The following GINS1 variants were observed in gnomAD, a reference collection of about 807,000 sequenced individuals.
GINS1 encodes GINS complex subunit 1, also known as DNA replication complex GINS protein PSF1.
A neutral mutation model predicts 34.9 loss-of-function variants in GINS1; 26 were observed. That is an observed-to-expected ratio of 0.74 (90% confidence interval 0.55 to 1.03). GINS1 has a LOEUF of 1.03. Among genes scored for constraint, GINS1 ranks in the 50% least tolerant of loss-of-function variants. The probability of loss-of-function intolerance (pLI) is 0.00; values close to 1 mark genes in which losing one functional copy is unlikely to be tolerated. For synonymous variants in GINS1, 97 were observed against 84.4 expected (o/e 1.15, Z -0.82); for missense variants, 235 against 237.9 (o/e 0.99, Z 0.08).
At chr20:25,416,743 A>G (rs2090323084) in intron 2 of GINS1, among the ~76,000 whole-genome samples, 1 of 152,244 alleles carries the variant, frequency 6.6e-6, no homozygotes, top group Admixed American at 6.5e-5. Context: ...ACGTAAGACC[A>G]TAACCTCATG....
At chr20:25,408,042 G>T (rs1568794259) in intron 1 of GINS1, 147 bp downstream of exon 1, 2 of 655,662 alleles carry the variant, frequency 3.1e-6, no homozygotes, top group Non-Finnish European at 5.5e-6. Flanking sequence ...AATTCAGGAG[G>T]AAAGAGAAAG....
chr20:25,419,661 A>G, intron 4 of GINS1: 1 of 695,258 alleles, frequency 1.4e-6, no homozygotes. Context: ...ATTTTAGATT[A>G]ATTTTTTTGT....
chr20:25,443,674 G>A (rs947312154), intron 6 of GINS1, among the ~76,000 whole-genome samples: 2 of 151,584 alleles, frequency 1.3e-5, no homozygotes, highest in African/African-American at 2.4e-5. Context: ...TAGAGGCGGC[G>A]TTTCACCATG....
At chr20:25,427,073 T>C (rs1342160055) in intron 5 of GINS1, among the ~76,000 whole-genome samples, 2 of 152,204 alleles carry the variant, frequency 1.3e-5, no homozygotes, top group Non-Finnish European at 2.9e-5. Context: ...ATTGTCATAC[T>C]GCTTTCCACA....
intron 1 of GINS1, 129 bp downstream of exon 1, chr20:25,408,024 C>A: frequency 4.4e-6 from 3 of 688,956 alleles, no homozygotes; most frequent in South Asian, 1.6e-5. Context: ...TGGGAAGCAG[C>A]AAAACAAAAT....
chr20:25,420,877 A>G, intron 4 of GINS1: 1 of 978,962 alleles, frequency 1.0e-6, no homozygotes, highest in Non-Finnish European at 1.2e-6. Flanking sequence ...GAAGGATGAG[A>G]AGAGATTAAT....
intron 5 of GINS1, among the ~76,000 whole-genome samples, chr20:25,435,897 C>A (rs1255758403): frequency 6.6e-6 from 1 of 150,648 alleles, no homozygotes; most frequent in Non-Finnish European, 1.5e-5. Flanking sequence ...ACTGCATCCT[C>A]CACCTCCCGG....
At chr20:25,416,751 A>T (rs2500415) in intron 2 of GINS1, among the ~76,000 whole-genome samples, 1 of 152,228 alleles carries the variant, frequency 6.6e-6, no homozygotes, top group East Asian at 1.9e-4. Context: ...CCATAACCTC[A>T]TGTCCATCAT....
At chr20:25,428,442 C>T (rs1356349455) in intron 5 of GINS1, among the ~76,000 whole-genome samples, 72 of 110,032 alleles carry the variant, frequency 6.5e-4, no homozygotes, top group Middle Eastern at 0.011. Context: ...CTCTGTCTGT[C>T]GCCCAGGCTG....
At chr20:25,441,854 T>G in intron 6 of GINS1, 78 bp downstream of exon 6, 2 of 727,870 alleles carry the variant, frequency 2.7e-6, no homozygotes, top group Non-Finnish European at 4.8e-6. Flanking sequence ...GCAAAATAAA[T>G]ATCAACTTTT....
chr20:25,413,805 C>T lies in GINS1; in HGVS notation c.91C>T (p.Gln31Ter). The part of the protein sequence containing the change: ...LPAFNEDGLR[Q>*]VLEEMKALYE... ...TATGTTCTAGGAGGATGGACTCAGA[C>T]AAGTTCTGGAGGAGATGAAAGCTTT... Residue 31 changes from glutamine to a stop codon, truncating the protein, a stop_gained, in exon 2 of 7, where the codon CAA (glutamine) becomes TAA (stop). Transcript: ENST00000262460. LOFTEE classifies it high-confidence loss of function. The T allele has an allele frequency of 1.3e-6, 2 of 1,581,334 alleles. No homozygotes were observed. Among genetic ancestry groups the T allele is most frequent in the South Asian group, 1.1e-5 (1 of 90,392 alleles).
chr20:25,420,248 C>T (rs890917496), intron 4 of GINS1, among the ~76,000 whole-genome samples: 1 of 152,006 alleles, frequency 6.6e-6, no homozygotes, highest in East Asian at 1.9e-4. Context: ...ATTCTCCTGC[C>T]TCAGCATCCC....
chr20:25,439,639 TA>T (rs1053991692), intron 5 of GINS1, among the ~76,000 whole-genome samples: 2 of 151,940 alleles, frequency 1.3e-5, no homozygotes, highest in African/African-American at 2.4e-5. Context: ...GTGGAAACCT[TA>T]AAAAAAATTC....
In GINS1 at chr20:25,432,152, G is replaced by A. The variant is rs555282909; in HGVS notation, c.447+6825G>A. On this transcript the variant is annotated intron_variant, in intron 5 of 6. Coordinates refer to ENST00000262460, the MANE Select transcript of GINS1 (RefSeq NM_021067.5). ...CTCCCAAAGTGCTGGAATTGCAGGC[G>A]TGAGCCACCGCGCCTGGCCATGAAA... Among the ~76,000 whole-genome samples the A allele has an allele frequency of 3.3e-5, 5 of 152,262 alleles. No homozygotes were observed. The South Asian group carries it at 8.3e-4, about 25-fold the overall frequency.
rs1314541030 is a variant in GINS1, at chr20:25,426,773, C to T, written c.447+1446C>T. Among the ~76,000 whole-genome samples, 3 of 152,050 alleles carry T rather than the reference C, an allele frequency of 2.0e-5. No homozygotes were observed. The East Asian group carries it at 5.9e-4, about 30-fold the overall frequency. Reference sequence around the variant, plus strand: ...CTCCCGAGCTCAGGTGATCCTCCCTCCTCGGCCTCCCAAAGTGCTGCGATT... The same window carrying T: ...CTCCCGAGCTCAGGTGATCCTCCCTTCTCGGCCTCCCAAAGTGCTGCGATT... On this transcript the variant is annotated intron_variant, in intron 5 of 6. Coordinates refer to ENST00000262460, the MANE Select transcript of GINS1 (RefSeq NM_021067.5).
intron 5 of GINS1, among the ~76,000 whole-genome samples, chr20:25,430,190 C>T (rs952655411): frequency 1.2e-4 from 18 of 152,260 alleles, no homozygotes; most frequent in Admixed American, 3.3e-4. Context: ...GGATTATAGG[C>T]GTGAGCCACC....
intron 5 of GINS1, among the ~76,000 whole-genome samples, chr20:25,431,113 C>A (rs1180829198): frequency 1.3e-5 from 2 of 152,120 alleles, no homozygotes. Context: ...TTCCAATTTA[C>A]TAGTTCTTAA....
intron 5 of GINS1, among the ~76,000 whole-genome samples, chr20:25,428,830 C>G (rs1600934107): frequency 6.6e-6 from 1 of 152,042 alleles, no homozygotes; most frequent in Non-Finnish European, 1.5e-5. Context: ...TTCCATTGTT[C>G]TGTACATCTG....
chr20:25,448,542 A>T lies in GINS1; in HGVS notation c.*2551A>T, dbSNP rs2090525225. On this transcript the variant is annotated 3_prime_UTR_variant, in exon 7 of 7. Coordinates refer to ENST00000262460, the MANE Select transcript of GINS1 (RefSeq NM_021067.5). ...ACAGTCATGTGTTCTATGAATAAAG[A>T]GTTTTACTCCTTCCTTTCTAATCTG... The T allele has an allele frequency of 6.6e-6, 1 of 152,206 alleles. No homozygotes were observed. Among genetic ancestry groups the T allele is most frequent in the South Asian group, 2.1e-4 (1 of 4,828 alleles). The allele number at this position is 152,206 out of a possible 1,614,324, so 9.4% of individuals were successfully genotyped here. A position where few individuals can be genotyped will look rare whatever the true frequency, so the allele number is the denominator to read the frequency against.
Sources: allele counts gnomAD v4.1 joint callset (sites outside exome capture counted in the v4.1 genomes callset), GRCh38; gene constraint gnomAD v4.1.1; transcripts MANE v1.5; gene names NCBI Gene and HGNC (gene_info 2026-07-23, HGNC 2026-07-21).